The following ANKRD11 variants were observed in gnomAD, a reference collection of about 807,000 sequenced individuals.
ANKRD11 encodes the protein ankyrin repeat domain 11.
Under a neutral mutation model 195.7 loss-of-function variants are expected in ANKRD11, and 17 were observed. That is an observed-to-expected ratio of 0.09 (90% confidence interval 0.06 to 0.13). The LOEUF is 0.13. Ranked by LOEUF, ANKRD11 falls within the 10% of genes least tolerant of loss-of-function variation. The pLI is 1.00. For synonymous variants in ANKRD11, 1,953 were observed against 1,528.1 expected (o/e 1.28, Z -6.49); for missense variants, 3,735 against 3,566.1 (o/e 1.05, Z -1.21).
At chr16:89,420,517 G>T (rs573430322) in intron 1 of ANKRD11, 1 of 152,160 alleles carries the variant, frequency 6.6e-6, no homozygotes, top group Non-Finnish European at 1.5e-5. Context: ...AGGTGAAAGT[G>T]AAAAACATCA....
chr16:89,311,387 T>A lies in ANKRD11; in HGVS notation c.87+5546A>T, dbSNP rs75859324. Among the ~76,000 whole-genome samples the A allele has an allele frequency of 2.2e-4, 33 of 152,328 alleles. No homozygotes were observed. The East Asian group carries it at 5.6e-3, about 26-fold the overall frequency. On this transcript the variant is annotated intron_variant, in intron 3 of 12. Coordinates refer to ENST00000301030, the MANE Select transcript of ANKRD11 (RefSeq NM_013275.6). The stretch of plus-strand genomic sequence containing the variant: ...TACCTTTGTCTGGCTTTGGTATCAG[T>A]ATAGTACTAACACAACAACTGTCTA...
At chr16:89,300,695 G>A (rs892189828) in intron 4 of ANKRD11, 7 of 542,250 alleles carry the variant, frequency 1.3e-5, no homozygotes, top group Admixed American at 3.6e-5. Context: ...GAGGCACCAG[G>A]AACAAACATG....
intron 2 of ANKRD11, among the ~76,000 whole-genome samples, chr16:89,404,730 C>CA (rs1381946738): frequency 6.6e-6 from 1 of 152,254 alleles, no homozygotes; most frequent in Non-Finnish European, 1.5e-5. Context: ...GCCTGGAGAA[C>CA]AGGCAGGGAC....
At chr16:89,292,004 C>T (rs2035093974) in intron 4 of ANKRD11, among the ~76,000 whole-genome samples, 1 of 152,214 alleles carries the variant, frequency 6.6e-6, no homozygotes, top group South Asian at 2.1e-4. Flanking sequence ...AAGATGCCTC[C>T]TCCTCTGCCT....
intron 1 of ANKRD11, among the ~76,000 whole-genome samples, chr16:89,426,722 G>A (rs2042732645): frequency 1.3e-5 from 2 of 152,186 alleles, no homozygotes; most frequent in South Asian, 4.1e-4. Context: ...AAGGAAACAT[G>A]AATATACTGT....
At chr16:89,317,107 G>GA in intron 2 of ANKRD11, 29 bp from the exon 3 acceptor site, 1 of 1,409,798 alleles carries the variant, frequency 7.1e-7, no homozygotes, top group Non-Finnish European at 9.8e-7. Context: ...ACAATTCACT[G>GA]AATTCAGAGG....
chr16:89,403,111 A>G (rs2041768028), intron 2 of ANKRD11, among the ~76,000 whole-genome samples: 1 of 152,012 alleles, frequency 6.6e-6, no homozygotes, highest in Admixed American at 6.6e-5. Flanking sequence ...CACATCATCA[A>G]CCTCTCAGCG....
At chr16:89,389,144 G>A (rs1226492135) in intron 2 of ANKRD11, among the ~76,000 whole-genome samples, 2 of 152,036 alleles carry the variant, frequency 1.3e-5, no homozygotes, top group African/African-American at 2.4e-5. Flanking sequence ...TCAGCCTTCT[G>A]AGTGGCTGGG....
At chr16:89,276,894 G>A (rs1158359011) in intron 9 of ANKRD11, among the ~76,000 whole-genome samples, 1 of 151,864 alleles carries the variant, frequency 6.6e-6, no homozygotes, top group African/African-American at 2.4e-5. Flanking sequence ...TGTCTCTACA[G>A]AAAATGCAAA....
intron 2 of ANKRD11, chr16:89,324,121 C>A (rs558951203): frequency 3.1e-5 from 22 of 713,122 alleles, no homozygotes; most frequent in African/African-American, 3.1e-4. Flanking sequence ...AAGTGCCCCA[C>A]GGCACAACGC....
Position 89,283,304 on chromosome 16 carries a change from G to C in ANKRD11, c.3238C>G (p.Leu1080Val). 1 of 1,614,040 alleles carries C rather than the reference G, an allele frequency of 6.2e-7. No homozygotes were observed. The highest frequency in any genetic ancestry group is 8.5e-7 in the Non-Finnish European group (1 of 1,180,048). Residue 1080 changes from leucine to valine, a missense_variant, in exon 9 of 13, where the codon CTC becomes GTC. Coordinates refer to ENST00000301030, the MANE Select transcript of ANKRD11 (RefSeq NM_013275.6). This position sits in a 1 kb window ranked among gnomAD's most constrained non-coding sequence, Gnocchi z 4.3. ...HGKDKERKAS[L>V]DQGKEKKEKA... ...TCCTTCTTCTCTTTCCCTTGGTCGA[G>C]AGACGCTTTCCTTTCTTTGTCTTTG... is the stretch of plus-strand genomic sequence containing the variant.
At position 89,282,655 on chromosome 16, in the gene ANKRD11, G is replaced by A. The variant is rs1240451698; in HGVS notation, c.3887C>T (p.Ser1296Phe). Residue 1296 changes from serine (S) to phenylalanine (F), a missense_variant, in exon 9 of 13, where the codon TCC becomes TTC. Coordinates refer to ENST00000301030, the MANE Select transcript of ANKRD11 (RefSeq NM_013275.6). ...GGAGACCTCGCTGATTTTATCGTTG[G>A]AGTCTTCTCTGTACTCATGGAGAGC... is the stretch of plus-strand genomic sequence containing the variant. Reference protein sequence around the residue: ...EEALHEYREDSNDKISEVSSD... With the variant: ...EEALHEYREDFNDKISEVSSD... 1 of 1,614,036 alleles carries A rather than the reference G, an allele frequency of 6.2e-7. No homozygotes were observed. Among genetic ancestry groups the A allele is most frequent in the Non-Finnish European group, 8.5e-7 (1 of 1,180,034 alleles).
rs2035081726 is a variant in ANKRD11 at position 89,291,832 on chromosome 16, T to C, written c.227-649A>G. Reference sequence around the variant, plus strand: ...GACACGGTGTGAGAGCTCGGCTGTTTCCACCTCAGCCTCCTCGTAACAAGC... The same window carrying C: ...GACACGGTGTGAGAGCTCGGCTGTTCCCACCTCAGCCTCCTCGTAACAAGC... On this transcript the variant is annotated intron_variant, in intron 4 of 12. Coordinates refer to ENST00000301030, the MANE Select transcript of ANKRD11 (RefSeq NM_013275.6). The surrounding 1 kb of genome is among the most constrained non-coding windows in gnomAD (Gnocchi z 5.3). 2.5e-6 allele frequency: 3 copies of C among 1,216,612 alleles called. No individual in the cohort carries two copies. The highest frequency in any genetic ancestry group is 3.3e-6 in the Non-Finnish European group (3 of 923,072). 75.4% of individuals were successfully genotyped at this position (1,216,612 alleles called of 1,614,324 possible). A position where few individuals can be genotyped will look rare whatever the true frequency, so the allele number is the denominator to read the frequency against.
chr16:89,397,838 C>A (rs1184707192), intron 2 of ANKRD11, among the ~76,000 whole-genome samples: 1 of 152,244 alleles, frequency 6.6e-6, no homozygotes, highest in Non-Finnish European at 1.5e-5. Context: ...TGCCACGTCT[C>A]CCAGCTAGCT....
At chr16:89,482,804 G>A (rs566545249) in intron 1 of ANKRD11, among the ~76,000 whole-genome samples, 2 of 152,310 alleles carry the variant, frequency 1.3e-5, no homozygotes, top group East Asian at 3.9e-4. Context: ...AAGCGGGTGG[G>A]CAGCAGGAGT....
chr16:89,429,040 A>T (rs1374050669), intron 1 of ANKRD11, among the ~76,000 whole-genome samples: 1 of 152,206 alleles, frequency 6.6e-6, no homozygotes, highest in African/African-American at 2.4e-5. Context: ...GGGGGGAGGG[A>T]AGGGACTACA....
At chr16:89,293,078 G>A (rs1271898148) in intron 4 of ANKRD11, among the ~76,000 whole-genome samples, 1 of 152,186 alleles carries the variant, frequency 6.6e-6, no homozygotes, top group Non-Finnish European at 1.5e-5. Flanking sequence ...CAGCTGGTCT[G>A]CCCACAGTCG....
intron 2 of ANKRD11, among the ~76,000 whole-genome samples, chr16:89,410,821 G>A (rs2042083398): frequency 6.6e-6 from 1 of 152,248 alleles, no homozygotes; most frequent in African/African-American, 2.4e-5. Flanking sequence ...AAGCTTAACA[G>A]AAGGGGGTGG....
Position 89,279,797 on chromosome 16 carries a change from G to C in ANKRD11, c.6745C>G (p.Arg2249Gly). Residue 2249 changes from arginine to glycine, a missense_variant, in exon 9 of 13, where the codon CGC becomes GGC. By Grantham distance (125) the Arg-to-Gly change is moderately radical. Coordinates refer to ENST00000301030, the MANE Select transcript of ANKRD11 (RefSeq NM_013275.6). This position sits in a 1 kb window ranked among gnomAD's most constrained non-coding sequence, Gnocchi z 5.6. ...CCCTGGTCTCCGCTCCCCAGTGGGCGCTGTTCTGGGGGAACGGGCGCGGGC... is the reference window on the plus strand; with the variant it reads ...CCCTGGTCTCCGCTCCCCAGTGGGCCCTGTTCTGGGGGAACGGGCGCGGGC... ...VEPAPVPPEQ[R>G]PLGSGDQGAE... The C allele has an allele frequency of 6.5e-7, 1 of 1,538,542 alleles. No homozygotes were observed. Among genetic ancestry groups the C allele is most frequent in the Admixed American group, 2.0e-5 (1 of 51,000 alleles).
Sources: allele counts gnomAD v4.1 joint callset (sites outside exome capture counted in the v4.1 genomes callset), GRCh38; gene constraint gnomAD v4.1.1; non-coding constraint Gnocchi (gnomAD v3.1); transcripts MANE v1.5; gene names NCBI Gene and HGNC (gene_info 2026-07-23, HGNC 2026-07-21).